Variants in CACNA1B observed in about 807,000 individuals in gnomAD.
CACNA1B encodes voltage-dependent N-type calcium channel subunit alpha-1B.
CACNA1B carries 70 observed loss-of-function variants against 247.2 expected under a neutral mutation model. The observed-to-expected ratio is 0.28, with a 90% confidence interval of 0.23 to 0.35. The LOEUF (loss-of-function observed/expected upper bound fraction) is 0.35. Among genes scored for constraint, CACNA1B ranks in the 10% least tolerant of loss-of-function variants. The probability of loss-of-function intolerance (pLI) is 1.00; values close to 1 mark genes in which losing one functional copy is unlikely to be tolerated. For synonymous variants in CACNA1B, 1,231 were observed against 1,294.4 expected (o/e 0.95, Z 1.05); for missense variants, 2,367 against 3,197.4 (o/e 0.74, Z 6.26).
chr9:137,957,767 G>A lies in CACNA1B; in HGVS notation c.1333+80G>A, dbSNP rs1478853276. ...CATGCTCCGCTTCCCCTGCTACCCA[G>A]CCACTGTTGGACGCCCCTTCTTGCC... On this transcript the variant is annotated intron_variant, in intron 10 of 46. Coordinates refer to ENST00000371372, the MANE Select transcript of CACNA1B (RefSeq NM_000718.4). The surrounding 1 kb of genome is among the most constrained non-coding windows in gnomAD (Gnocchi z 4.7). 1 of 1,024,388 alleles carries A rather than the reference G, an allele frequency of 9.8e-7. No individual in the cohort carries two copies. The highest frequency in any genetic ancestry group is 1.4e-6 in the Non-Finnish European group (1 of 710,114). The allele number at this position is 1,024,388 out of a possible 1,614,324, so 63.5% of individuals were successfully genotyped here.
intron 7 of CACNA1B, among the ~76,000 whole-genome samples, chr9:137,953,007 TGAGA>T (rs1227108519): frequency 6.6e-6 from 1 of 151,984 alleles, no homozygotes; most frequent in Non-Finnish European, 1.5e-5. Flanking sequence ...CAGGGGATGG[TGAGA>T]GAGAGGGCTC....
Position 137,954,185 on chromosome 9 carries a change from C to T in CACNA1B, c.1071-1513C>T, listed in dbSNP as rs538276852. On this transcript the variant is annotated intron_variant, in intron 7 of 46. Transcript: ENST00000371372. This position sits in a 1 kb window ranked among gnomAD's most constrained non-coding sequence, Gnocchi z 4.1. ...CAGGCCCAGCAGAGGGCCCCCAAGC[C>T]AGGGGCTGGCACCCCCCATGTGGGT... 3.3e-5 allele frequency among the ~76,000 whole-genome samples: 5 copies of T among 152,284 alleles called. No homozygotes were observed. The South Asian group carries it at 1.0e-3, about 32-fold the overall frequency.
chr9:138,096,180 T>C (rs543309113), intron 36 of CACNA1B, among the ~76,000 whole-genome samples: 5 of 152,034 alleles, frequency 3.3e-5, no homozygotes, highest in Non-Finnish European at 7.3e-5. Flanking sequence ...ACGTCACGGA[T>C]TTCATGGAAG....
intron 6 of CACNA1B, among the ~76,000 whole-genome samples, chr9:137,951,799 CCT>C (rs1957880598): frequency 6.6e-6 from 1 of 152,194 alleles, no homozygotes; most frequent in Non-Finnish European, 1.5e-5. Flanking sequence ...CCCACTGTTG[CCT>C]CTCAGCTGTG....
At chr9:138,067,896 T>G (rs1393707790) in intron 31 of CACNA1B, among the ~76,000 whole-genome samples, 1 of 152,184 alleles carries the variant, frequency 6.6e-6, no homozygotes, top group African/African-American at 2.4e-5. Flanking sequence ...GGCACCAGCG[T>G]TCTGCCGACC....
intron 42 of CACNA1B, 83 bp downstream of exon 42, chr9:138,115,762 A>T: frequency 7.1e-7 from 1 of 1,408,926 alleles, no homozygotes; most frequent in Non-Finnish European, 9.7e-7. Context: ...CATTTCCTCA[A>T]CCTCCCTGGC....
At chr9:137,916,987 AT>A (rs1957420102) in intron 5 of CACNA1B, among the ~76,000 whole-genome samples, 1 of 151,926 alleles carries the variant, frequency 6.6e-6, no homozygotes, top group Non-Finnish European at 1.5e-5. Context: ...CCATCAAGTG[AT>A]GGTGGGCAGG....
chr9:138,013,148 A>C lies in CACNA1B; in HGVS notation c.2180A>C (p.Glu727Ala), dbSNP rs1010364740. Residue 727 changes from glutamate (E) to alanine (A), a missense_variant, in exon 18 of 47, where the codon GAA becomes GCA. This residue lies in a region of CACNA1B where 76 missense variants were observed against 191.0 expected (regional missense o/e 0.40). Coordinates refer to ENST00000371372, the MANE Select transcript of CACNA1B (RefSeq NM_000718.4). ...AAACAGGATGAAGAGGAGATGGAAGAAGCAGCCAATCAGAAGCTTGCTCTG... is the reference window on the plus strand; with the variant it reads ...AAACAGGATGAAGAGGAGATGGAAGCAGCAGCCAATCAGAAGCTTGCTCTG... ...ELTKDEEEME[E>A]AANQKLALQK... 2 of 1,613,504 alleles carry C rather than the reference A, an allele frequency of 1.2e-6. No homozygotes were observed. The highest frequency in any genetic ancestry group is 1.7e-6 in the Non-Finnish European group (2 of 1,179,568).
intron 34 of CACNA1B, among the ~76,000 whole-genome samples, chr9:138,074,807 TTGCACAGTGGCGGTCGGTTATCC>T (rs1960258248): frequency 6.6e-6 from 1 of 152,230 alleles, no homozygotes; most frequent in South Asian, 2.1e-4. Context: ...GCCGAGTGGC[TTGCACAGTGGCGGTCGGTTATCC>T]TGTTAGTCTG....
At chr9:138,022,438 C>T (rs758866991) in intron 18 of CACNA1B, among the ~76,000 whole-genome samples, 5 of 152,268 alleles carry the variant, frequency 3.3e-5, no homozygotes, top group Non-Finnish European at 7.4e-5. Context: ...CAGCAACTGC[C>T]CTCTGGGTTC....
At chr9:137,886,965 G>C (rs1462323132) in intron 3 of CACNA1B, among the ~76,000 whole-genome samples, 1 of 150,976 alleles carries the variant, frequency 6.6e-6, no homozygotes, top group Non-Finnish European at 1.5e-5. Flanking sequence ...GGTGATTCGA[G>C]GGACATGGGT....
At chr9:138,076,594 G>A (rs1204898786) in intron 35 of CACNA1B, among the ~76,000 whole-genome samples, 4 of 152,212 alleles carry the variant, frequency 2.6e-5, no homozygotes, top group African/African-American at 9.6e-5. Context: ...AGAGGCCTCA[G>A]CATCAGCTGC....
chr9:137,884,252 G>A (rs1956970666), intron 3 of CACNA1B, among the ~76,000 whole-genome samples: 1 of 152,122 alleles, frequency 6.6e-6, no homozygotes, highest in African/African-American at 2.4e-5. Flanking sequence ...AGAGCTGTCT[G>A]TGATGTGCTG....
At chr9:138,117,778 G>A (rs758419825) in intron 42 of CACNA1B, among the ~76,000 whole-genome samples, 168 bp from the exon 43 acceptor site, 2 of 152,140 alleles carry the variant, frequency 1.3e-5, no homozygotes, top group African/African-American at 2.4e-5. Context: ...GCCACGTTGG[G>A]GCTCTTGTGC....
chr9:137,906,817 A>G (rs1276616725), intron 3 of CACNA1B, among the ~76,000 whole-genome samples: 1 of 152,196 alleles, frequency 6.6e-6, no homozygotes, highest in South Asian at 2.1e-4. Context: ...ATTATTTAAC[A>G]TATGTGTTCC....
intron 3 of CACNA1B, among the ~76,000 whole-genome samples, chr9:137,907,767 C>T (rs961699930): frequency 1.3e-5 from 2 of 152,152 alleles, no homozygotes; most frequent in Admixed American, 6.5e-5. Context: ...CTTAAGTCAT[C>T]CTTCCTTACC....
Position 138,046,859 on chromosome 9 carries a change from C to T in CACNA1B, c.3414-45C>T, listed in dbSNP as rs201840615. 3.7e-5 allele frequency: 59 copies of T among 1,589,164 alleles called. 1 individual carries two copies. The highest frequency in any genetic ancestry group is 3.4e-4 in the East Asian group (15 of 44,450). On this transcript the variant is annotated intron_variant, in intron 21 of 46. Coordinates refer to ENST00000371372, the MANE Select transcript of CACNA1B (RefSeq NM_000718.4). ...GCCTGCCCTGTGGCAAGGGGTGGCG[C>T]GCCCGGCTGGGGGGCCTTGTGGTGA...
chr9:138,041,420 C>T (rs550581566), intron 20 of CACNA1B, among the ~76,000 whole-genome samples: 3 of 152,102 alleles, frequency 2.0e-5, no homozygotes, highest in Non-Finnish European at 2.9e-5. Flanking sequence ...CTCCAAAGCT[C>T]GCTGTTTTGC....
chr9:138,058,440 G>A lies in CACNA1B; in HGVS notation c.4309-129G>A. The A allele has an allele frequency of 3.1e-6, 3 of 961,470 alleles. No homozygotes were observed. Among genetic ancestry groups the A allele is most frequent in the Non-Finnish European group, 4.7e-6 (3 of 642,572 alleles). 59.6% of individuals were successfully genotyped at this position (961,470 alleles called of 1,614,324 possible). A position where few individuals can be genotyped will look rare whatever the true frequency, so the allele number is the denominator to read the frequency against. On this transcript the variant is annotated intron_variant, in intron 28 of 46. Coordinates refer to ENST00000371372, the MANE Select transcript of CACNA1B (RefSeq NM_000718.4). The surrounding 1 kb of genome is among the most constrained non-coding windows in gnomAD (Gnocchi z 4.7). Reference sequence around the variant, plus strand: ...GTTGAGGCCTGCTTGGAGAAGGTCTGGGCTGCTTCAATTTGTCTTCTGTTG... The same window carrying A: ...GTTGAGGCCTGCTTGGAGAAGGTCTAGGCTGCTTCAATTTGTCTTCTGTTG...
Sources: gnomAD v4.1 joint callset for allele counts (sites outside exome capture counted in the v4.1 genomes callset) on GRCh38, gnomAD v4.1.1 for gene constraint, gnomAD v4.1.1 regional missense constraint, Gnocchi (gnomAD v3.1) non-coding constraint, MANE v1.5 for transcripts, NCBI Gene and HGNC (gene_info 2026-07-23, HGNC 2026-07-21) for gene names.